TJP2: variants seen among roughly 807,000 people sequenced by gnomAD.
TJP2 encodes the protein tight junction protein 2, also known as Friedreich ataxia region gene X104 (tight junction protein ZO-2).
A neutral mutation model predicts 133.1 loss-of-function variants in TJP2; 91 were observed. The observed-to-expected ratio is 0.68, with a 90% CI of 0.58 to 0.81. TJP2 has a LOEUF of 0.81. TJP2 is among the 40% of genes least tolerant of loss of function. The pLI, the probability that TJP2 is intolerant of heterozygous loss-of-function variation, is 0.00. For synonymous variants in TJP2, 592 were observed against 583.4 expected, an observed-to-expected ratio of 1.01 and a Z score of -0.21; for missense variants, 1,541 against 1,565.6, an observed-to-expected ratio of 0.98 and a Z score of 0.26.
chr9:69,132,391 G>A (rs1403084013), intron 1 of TJP2, among the ~76,000 whole-genome samples: 2 of 152,174 alleles, frequency 1.3e-5, no homozygotes, highest in African/African-American at 4.8e-5. Flanking sequence ...CTTTTGGATG[G>A]GGATGAGAGT....
At position 69,252,698 on chromosome 9, in the gene TJP2, T is replaced by C. The variant is rs142988552; in HGVS notation, c.3322-117T>C. The C allele has an allele frequency of 2.4e-5, 23 of 960,954 alleles. No homozygotes were observed. In the East Asian group the frequency reaches 4.9e-4, roughly 21 times the overall value. 59.5% of individuals were successfully genotyped at this position (960,954 alleles called of 1,614,324 possible). On this transcript the variant is annotated intron_variant, in intron 21 of 22. Transcript: ENST00000377245. Reference sequence around the variant, plus strand: ...GCTTCTGTGTTTCCTCTTCTTGAAATGGGATGGGAAAATAAGTAGGATATG... The same window carrying C: ...GCTTCTGTGTTTCCTCTTCTTGAAACGGGATGGGAAAATAAGTAGGATATG...
rs867419525 is a variant in TJP2, at chr9:69,236,940, T to C, written c.1992-9T>C. 2 of 1,614,204 alleles carry C rather than the reference T, an allele frequency of 1.2e-6. No individual in the cohort carries two copies. Among genetic ancestry groups the C allele is most frequent in the East Asian group, 2.2e-5 (1 of 44,886 alleles). The stretch of plus-strand genomic sequence containing the variant: ...CTTTAGAGATTTACTTCCCGTGGTT[T>C]CTTCTCAGAGCTGAACAAATGGCCA... On this transcript the variant is annotated splice_polypyrimidine_tract_variant and intron_variant, in intron 13 of 22. Coordinates refer to ENST00000377245, the MANE Select transcript of TJP2 (RefSeq NM_004817.4).
intron 17 of TJP2, 187 bp from the exon 18 acceptor site, chr9:69,246,503 G>A: frequency 1.6e-6 from 1 of 627,774 alleles, no homozygotes; most frequent in Non-Finnish European, 2.9e-6. Flanking sequence ...AACTCAAACA[G>A]CTACATGATT....
Position 69,234,306 on chromosome 9 carries a change from C to G in TJP2, c.1672-133C>G, listed in dbSNP as rs1830001235. 6.8e-6 allele frequency: 5 copies of G among 734,958 alleles called. No individual in the cohort carries two copies. In the South Asian group the frequency reaches 9.8e-5, roughly 14 times the overall value. 45.5% of individuals were successfully genotyped at this position (734,958 alleles called of 1,614,324 possible). A position where few individuals can be genotyped will look rare whatever the true frequency, so the allele number is the denominator to read the frequency against. On this transcript the variant is annotated intron_variant, in intron 11 of 22. Transcript: ENST00000377245. ...GACTCATTTGCATCTTGGCTTTGCT[C>G]TGGACAGGCCCTGATGAAAACAAAC...
At chr9:69,240,195 AGAATT>A (rs775997319) in intron 17 of TJP2, 48 bp downstream of exon 17, 20 of 1,464,632 alleles carry the variant, frequency 1.4e-5, no homozygotes, top group African/African-American at 2.8e-5. Flanking sequence ...TGAGAAATAA[AGAATT>A]GAAGAGTAGA....
intron 22 of TJP2, chr9:69,253,150 C>A: frequency 1.8e-6 from 1 of 543,452 alleles, no homozygotes. Context: ...GTACATTTGA[C>A]ACATTGGAGC....
At chr9:69,174,927 TTC>T (rs1263431912) in intron 1 of TJP2, among the ~76,000 whole-genome samples, 14 of 115,158 alleles carry the variant, frequency 1.2e-4, no homozygotes, top group Non-Finnish European at 2.4e-4. Context: ...TTTTTTTTTT[TTC>T]CAGTAGGGAA....
chr9:69,171,436 C>A (rs1824676545), upstream of TJP2, among the ~76,000 whole-genome samples: 1 of 152,170 alleles, frequency 6.6e-6, no homozygotes, highest in Non-Finnish European at 1.5e-5. Flanking sequence ...TTTATACTTG[C>A]CTGGGCAACT....
At chr9:69,184,747 C>T (rs936480701) in intron 1 of TJP2, among the ~76,000 whole-genome samples, 1 of 141,640 alleles carries the variant, frequency 7.1e-6, no homozygotes, top group African/African-American at 2.5e-5. Flanking sequence ...CTCTCTCTCT[C>T]TCTTCTTTTT....
rs761263931 is a variant in TJP2 at position 69,230,206 on chromosome 9, C to T, written c.1645C>T (p.Leu549Phe). Residue 549 changes from leucine to phenylalanine, a missense_variant, in exon 11 of 23, where the codon CTT becomes TTT. Physicochemically the swap from Leu to Phe is conservative, Grantham distance 22 (BLOSUM62 0). Transcript: ENST00000377245. Reference protein sequence around the residue: ...QEGTSAEQEGLQEGDQILKVN... With the variant: ...QEGTSAEQEGFQEGDQILKVN... ...AGGGACCTCGGCGGAGCAGGAGGGC[C>T]TTCAAGAAGGAGACCAGATTCTGAA... The T allele has an allele frequency of 1.2e-6, 2 of 1,614,132 alleles. No individual in the cohort carries two copies. The highest frequency in any genetic ancestry group is 1.7e-6 in the Non-Finnish European group (2 of 1,180,018).
In TJP2 at chr9:69,221,433, C is replaced by G; in HGVS notation, c.889C>G (p.Pro297Ala). 2.5e-6 allele frequency: 4 copies of G among 1,591,014 alleles called. No homozygotes were observed. Among genetic ancestry groups the G allele is most frequent in the Non-Finnish European group, 3.4e-6 (4 of 1,168,692 alleles). ...REHPHSRSPS[P>A]EPRGRPGPIG... ...GCACCCGCACTCACGGAGCCCCAGC[C>G]CCGAGCCTAGGGGGCGGCCGGGGCC... is the stretch of plus-strand genomic sequence containing the variant. The change falls in exon 5 of 23, where the codon CCC (proline) becomes GCC (alanine). Residue 297 changes from proline (P) to alanine (A), a missense_variant. Transcript: ENST00000377245.
rs757460449 is a variant in TJP2 at position 69,236,941 on chromosome 9, C to G, written c.1992-8C>G. ...TTTAGAGATTTACTTCCCGTGGTTT[C>G]TTCTCAGAGCTGAACAAATGGCCAG... On this transcript the variant is annotated splice_region_variant and splice_polypyrimidine_tract_variant and intron_variant, in intron 13 of 22. Coordinates refer to ENST00000377245, the MANE Select transcript of TJP2 (RefSeq NM_004817.4). The G allele has an allele frequency of 6.2e-7, 1 of 1,614,056 alleles. No homozygotes were observed. The highest frequency in any genetic ancestry group is 1.3e-5 in the African/African-American group (1 of 74,938).
chr9:69,253,882 T>C, intron 22 of TJP2: 2 of 390,340 alleles, frequency 5.1e-6, no homozygotes, highest in Non-Finnish European at 9.7e-6. Context: ...TTGGTTATGA[T>C]GGACTGAAAC....
At chr9:69,197,346 G>C (rs1412846666) in intron 1 of TJP2, among the ~76,000 whole-genome samples, 2 of 152,124 alleles carry the variant, frequency 1.3e-5, no homozygotes, top group African/African-American at 4.8e-5. Context: ...TCATTGTATG[G>C]ATATACCACA....
At chr9:69,202,736 G>C (rs988660777) in intron 1 of TJP2, among the ~76,000 whole-genome samples, 1 of 152,082 alleles carries the variant, frequency 6.6e-6, no homozygotes, top group African/African-American at 2.4e-5. Flanking sequence ...TGGTCCTGCT[G>C]TGCCCAGGCG....
chr9:69,153,277 C>CA (rs1354583498), intron 2 of TJP2, among the ~76,000 whole-genome samples: 12 of 151,972 alleles, frequency 7.9e-5, no homozygotes, highest in Admixed American at 2.6e-4. Flanking sequence ...GATACCTGCT[C>CA]AGACTCCAGA....
chr9:69,238,868 C>G, intron 16 of TJP2, 79 bp downstream of exon 16: 1 of 1,203,032 alleles, frequency 8.3e-7, no homozygotes, highest in Non-Finnish European at 1.2e-6. Context: ...AGGATAGTAT[C>G]TGTACTTTTA....
At chr9:69,226,210 G>T (rs370830054) in intron 7 of TJP2, 35 bp downstream of exon 7, 1 of 1,611,316 alleles carries the variant, frequency 6.2e-7, no homozygotes, top group East Asian at 2.2e-5. Context: ...TTAGCTGGAA[G>T]TAAGGAAGGC....
At chr9:69,183,199 T>G (rs1825636113) in intron 1 of TJP2, among the ~76,000 whole-genome samples, 1 of 152,192 alleles carries the variant, frequency 6.6e-6, no homozygotes, top group Non-Finnish European at 1.5e-5. Flanking sequence ...CTCACAGTAT[T>G]TTGTAAACAC....
Sources: gnomAD v4.1 joint callset for allele counts (sites outside exome capture counted in the v4.1 genomes callset) on GRCh38, gnomAD v4.1.1 for gene constraint, MANE v1.5 for transcripts, NCBI Gene and HGNC (gene_info 2026-07-23, HGNC 2026-07-21) for gene names.